The following SHANK2 variants were observed in gnomAD, a reference collection of about 807,000 sequenced individuals.
SHANK2 encodes SH3 and multiple ankyrin repeat domains protein 2.
A neutral mutation model predicts 133.7 loss-of-function variants in SHANK2; 43 were observed. That is an observed-to-expected ratio of 0.32 (90% CI 0.25 to 0.41). SHANK2 has a LOEUF of 0.41. Among genes scored for constraint, SHANK2 ranks in the 10% least tolerant of loss-of-function variants. The pLI, the probability that SHANK2 is intolerant of heterozygous loss-of-function variation, is 1.00. For synonymous variants in SHANK2, 1,017 were observed against 952.8 expected (o/e 1.07, Z -1.24); for missense variants, 1,994 against 2,235.8 (o/e 0.89, Z 2.18).
At chr11:70,662,105 G>A (rs1944563587) in intron 15 of SHANK2, 1 of 417,580 alleles carries the variant, frequency 2.4e-6, no homozygotes, top group South Asian at 2.4e-5. Flanking sequence ...GGCTTGTCCC[G>A]ACCACACGCA....
intron 2 of SHANK2, among the ~76,000 whole-genome samples, chr11:71,211,436 G>C (rs541983210): frequency 6.6e-6 from 1 of 151,764 alleles, no homozygotes; most frequent in Non-Finnish European, 1.5e-5. Context: ...TACCTGGGGG[G>C]CTGAGGCGAG....
At chr11:71,172,083 C>A (rs782664389) in intron 2 of SHANK2, among the ~76,000 whole-genome samples, 1 of 152,158 alleles carries the variant, frequency 6.6e-6, no homozygotes, top group Non-Finnish European at 1.5e-5. Context: ...GACTTCATCA[C>A]TCAGCCCCAT....
intron 17 of SHANK2, among the ~76,000 whole-genome samples, chr11:70,605,169 TA>T (rs1198294054): frequency 1.3e-5 from 2 of 151,378 alleles, no homozygotes; most frequent in African/African-American, 4.8e-5. Flanking sequence ...TCTTTCTACA[TA>T]AAAAAAGCCC....
intron 8 of SHANK2, among the ~76,000 whole-genome samples, chr11:71,085,710 A>ATATAT (rs1284056626): frequency 0.79 from 50,189 of 63,694 alleles, 19,191 homozygotes; most frequent in Middle Eastern, 0.95. Context: ...TATATGTTAT[A>ATATAT]TATATTATAT....
chr11:70,827,869 G>A (rs1275593967), intron 11 of SHANK2, among the ~76,000 whole-genome samples: 3 of 152,110 alleles, frequency 2.0e-5, no homozygotes, highest in Admixed American at 1.3e-4. Context: ...GCCTTTCCCT[G>A]AAGGCGTACC....
chr11:70,478,888 G>A (rs191826191), intron 25 of SHANK2, among the ~76,000 whole-genome samples: 6 of 152,330 alleles, frequency 3.9e-5, no homozygotes, highest in Admixed American at 3.3e-4. Context: ...CTGAGGCTCC[G>A]CGGCAGTTCC....
At position 70,585,938 on chromosome 11, in the gene SHANK2, C is replaced by CTCCA. The variant is rs1486421964; in HGVS notation, c.2061+73886_2061+73889dup. ...CCATCCACCCATCCTTCATCCATTCCTCCATCCATCCATCCATCCAACAGC... is the reference window on the plus strand; with the variant it reads ...CCATCCACCCATCCTTCATCCATTCCTCCATCCATCCATCCATCCATCCAACAGC... On this transcript the variant is annotated intron_variant, in intron 17 of 25. Transcript: ENST00000601538. 2.6e-4 allele frequency among the ~76,000 whole-genome samples: 40 copies of CTCCA among 151,394 alleles called. No homozygotes were observed. The Middle Eastern group carries it at 0.014, about 51-fold the overall frequency.
chr11:70,553,208 G>GCCT (rs1469436863), intron 17 of SHANK2, among the ~76,000 whole-genome samples: 1 of 151,904 alleles, frequency 6.6e-6, no homozygotes, highest in Non-Finnish European at 1.5e-5. Flanking sequence ...TTCTGCCTCA[G>GCCT]CCTCCTGAGT....
intron 17 of SHANK2, among the ~76,000 whole-genome samples, chr11:70,601,069 T>C (rs11236781): frequency 0.08 from 10,825 of 134,806 alleles, 574 homozygotes; most frequent in Admixed American, 0.19. Context: ...ATATCTATAT[T>C]TGAGATGGAG....
At chr11:70,567,762 T>C (rs577011464) in intron 17 of SHANK2, among the ~76,000 whole-genome samples, 40 of 152,274 alleles carry the variant, frequency 2.6e-4, no homozygotes, top group African/African-American at 9.6e-4. Flanking sequence ...CACCTTGATC[T>C]TGGACTTCTG....
intron 17 of SHANK2, among the ~76,000 whole-genome samples, chr11:70,556,180 G>C (rs1258412807): frequency 2.6e-5 from 4 of 152,132 alleles, no homozygotes; most frequent in African/African-American, 9.7e-5. Context: ...CATATATTTT[G>C]TGACTCAATA....
intron 12 of SHANK2, among the ~76,000 whole-genome samples, chr11:70,819,962 T>C (rs572297131): frequency 1.4e-3 from 212 of 152,276 alleles, no homozygotes; most frequent in Non-Finnish European, 2.6e-3. Flanking sequence ...CTTGCAAACA[T>C]GGCCCTCGGG....
rs782354091 is a variant in SHANK2 at position 71,118,976 on chromosome 11, C to T, written c.264G>A (p.Leu88=). The T allele has an allele frequency of 1.3e-6, 2 of 1,551,760 alleles. No individual in the cohort carries two copies. Among genetic ancestry groups the T allele is most frequent in the South Asian group, 2.4e-5 (2 of 84,068 alleles). Residue 88 remains leucine (L), a synonymous_variant, in exon 4 of 26, where the codon CTG becomes CTA. Transcript: ENST00000601538. ...CTTTCAAACTCTGGGTTAATGTACA[C>T]AGGATCCGCTGCTTTGCAACCCACA... is the stretch of plus-strand genomic sequence containing the variant. ...ATVWVAKQRI[L]CTLTQSLKDV...
Position 71,252,275 on chromosome 11 carries a change from C to T in SHANK2, c.-113+150G>A, listed in dbSNP as rs986477659. On this transcript the variant is annotated intron_variant, in intron 1 of 25. Coordinates refer to ENST00000601538, the MANE Select transcript of SHANK2 (RefSeq NM_012309.5). The surrounding 1 kb of genome is among the most constrained non-coding windows in gnomAD (Gnocchi z 6.3). ...TCCCCCCAGCGCCCACCTCTCCAGCCTCTCTGGGTCCAGGACTGCGCTTAC... is the reference window on the plus strand; with the variant it reads ...TCCCCCCAGCGCCCACCTCTCCAGCTTCTCTGGGTCCAGGACTGCGCTTAC... The T allele has an allele frequency of 6.6e-6, 1 of 152,506 alleles. No individual in the cohort carries two copies. Among genetic ancestry groups the T allele is most frequent in the Admixed American group, 6.5e-5 (1 of 15,290 alleles). 9.4% of individuals were successfully genotyped at this position (152,506 alleles called of 1,614,324 possible). A position where few individuals can be genotyped will look rare whatever the true frequency, so the allele number is the denominator to read the frequency against.
intron 17 of SHANK2, among the ~76,000 whole-genome samples, chr11:70,536,954 C>G (rs141875145): frequency 0.012 from 1,859 of 151,838 alleles, 35 homozygotes; most frequent in Middle Eastern, 0.017. Context: ...ACCCTTCTTA[C>G]TCCAGGAAAT....
chr11:70,707,841 G>C (rs1391635551), intron 14 of SHANK2, among the ~76,000 whole-genome samples: 1 of 152,160 alleles, frequency 6.6e-6, no homozygotes, highest in Non-Finnish European at 1.5e-5. Flanking sequence ...TTGCAGACAG[G>C]AAGCTCTGCT....
rs539222494 is a variant in SHANK2 at position 70,562,317 on chromosome 11, C to A, written c.2062-59386G>T. ...AGTCAAGCTGGTTGATGGGTTTGTT[C>A]ATGGTTTCCTATATCCCGGCTGACT... On this transcript the variant is annotated intron_variant, in intron 17 of 25. Transcript: ENST00000601538. Among the ~76,000 whole-genome samples, 4 of 152,326 alleles carry A rather than the reference C, an allele frequency of 2.6e-5. No homozygotes were observed. The South Asian group carries it at 8.3e-4, about 32-fold the overall frequency.
chr11:70,938,331 G>A (rs1048681479), intron 10 of SHANK2, among the ~76,000 whole-genome samples: 5 of 152,142 alleles, frequency 3.3e-5, no homozygotes, highest in East Asian at 1.9e-4. Context: ...AGGAGCAAAC[G>A]AAGGTAGAAC....
At chr11:70,618,734 C>T (rs1197489358) in intron 17 of SHANK2, among the ~76,000 whole-genome samples, 1 of 152,260 alleles carries the variant, frequency 6.6e-6, no homozygotes, top group Non-Finnish European at 1.5e-5. Context: ...GCCGCTTACC[C>T]TCATCACGCT....
Sources: allele counts gnomAD v4.1 joint callset (sites outside exome capture counted in the v4.1 genomes callset), GRCh38; gene constraint gnomAD v4.1.1; non-coding constraint Gnocchi (gnomAD v3.1); transcripts MANE v1.5; gene names NCBI Gene and HGNC (gene_info 2026-07-23, HGNC 2026-07-21).